Variants in FARS2 observed in about 807,000 individuals in gnomAD.
FARS2 encodes phenylalanine--tRNA ligase, mitochondrial.
FARS2 carries 40 observed loss-of-function variants against 46.4 expected under a neutral mutation model. The observed-to-expected ratio is 0.86, with a 90% CI of 0.67 to 1.12. FARS2 has a LOEUF of 1.12. FARS2 is among the 50% of genes most tolerant of loss of function. The pLI, the probability that FARS2 is intolerant of heterozygous loss-of-function variation, is 0.00. For synonymous variants in FARS2, 234 were observed against 214.9 expected, an observed-to-expected ratio of 1.09 and a Z score of -0.78; for missense variants, 513 against 567.9, an observed-to-expected ratio of 0.90 and a Z score of 0.98.
intron 4 of FARS2, among the ~76,000 whole-genome samples, chr6:5,467,801 T>C (rs543907331): frequency 1.3e-5 from 2 of 152,346 alleles, no homozygotes; most frequent in African/African-American, 4.8e-5. Flanking sequence ...AGATGACTTA[T>C]GCCTTACCAT....
chr6:5,381,191 TAAAAA>T (rs1581936476), intron 2 of FARS2, among the ~76,000 whole-genome samples: 1 of 151,696 alleles, frequency 6.6e-6, no homozygotes, highest in East Asian at 1.9e-4. Context: ...TAGTAGAGAC[TAAAAA>T]TCCTGTTAGC....
chr6:5,404,787 T>TC (rs1761465574), intron 3 of FARS2, 86 bp downstream of exon 3: 3 of 913,252 alleles, frequency 3.3e-6, no homozygotes, highest in African/African-American at 1.7e-5. Flanking sequence ...TTTTTTTTTT[T>TC]CATATTTTGA....
intron 6 of FARS2, among the ~76,000 whole-genome samples, chr6:5,740,625 G>C (rs546311161): frequency 6.6e-6 from 1 of 151,954 alleles, no homozygotes; most frequent in Non-Finnish European, 1.5e-5. Flanking sequence ...TATGTTTTCC[G>C]ATTGCTCACC....
chr6:5,770,454 GT>G (rs1243493047), intron 6 of FARS2, among the ~76,000 whole-genome samples: 9 of 152,160 alleles, frequency 5.9e-5, no homozygotes, highest in Admixed American at 2.0e-4. Context: ...AGGAATTTGT[GT>G]GACCAGATCC....
chr6:5,268,046 G>A (rs1302149433), intron 1 of FARS2, among the ~76,000 whole-genome samples: 2 of 152,006 alleles, frequency 1.3e-5, no homozygotes, highest in Non-Finnish European at 2.9e-5. Context: ...TTTTTGATGG[G>A]GTTGTTTGAT....
intron 6 of FARS2, among the ~76,000 whole-genome samples, chr6:5,645,051 G>A (rs1777011263): frequency 6.6e-6 from 1 of 152,196 alleles, no homozygotes; most frequent in African/African-American, 2.4e-5. Context: ...ATCTTTGTGT[G>A]AAAGGCCAGC....
At chr6:5,438,943 GTTGT>G (rs1763688034) in intron 4 of FARS2, among the ~76,000 whole-genome samples, 1 of 152,154 alleles carries the variant, frequency 6.6e-6, no homozygotes, top group Non-Finnish European at 1.5e-5. Flanking sequence ...TATTTTCCTG[GTTGT>G]TTGTAAACAA....
At chr6:5,413,185 G>A (rs1582032104) in intron 3 of FARS2, among the ~76,000 whole-genome samples, 2 of 152,196 alleles carry the variant, frequency 1.3e-5, no homozygotes, top group South Asian at 4.1e-4. Flanking sequence ...AGCAATAGTT[G>A]AGCTGAACTA....
At chr6:5,583,801 A>G (rs573074694) in intron 5 of FARS2, among the ~76,000 whole-genome samples, 1 of 152,300 alleles carries the variant, frequency 6.6e-6, no homozygotes, top group African/African-American at 2.4e-5. Context: ...TCGTTCCTGA[A>G]TGTGATAACC....
chr6:5,374,659 A>G (rs2127655728), intron 2 of FARS2, among the ~76,000 whole-genome samples: 1 of 152,212 alleles, frequency 6.6e-6, no homozygotes, highest in South Asian at 2.1e-4. Context: ...TTTCATCATT[A>G]TGAACATAGA....
At chr6:5,323,172 G>A (rs1423556729) in intron 1 of FARS2, among the ~76,000 whole-genome samples, 1 of 152,064 alleles carries the variant, frequency 6.6e-6, no homozygotes, top group Non-Finnish European at 1.5e-5. Flanking sequence ...AATAGATATT[G>A]GATATTATAG....
chr6:5,367,040 G>A (rs797147), intron 1 of FARS2, among the ~76,000 whole-genome samples: 33,548 of 152,152 alleles, frequency 0.22, 5,621 homozygotes, highest in African/African-American at 0.48. Context: ...CTTTGAAAAT[G>A]TCTCCCATGA....
At chr6:5,602,351 G>C (rs540248918) in intron 5 of FARS2, among the ~76,000 whole-genome samples, 1 of 152,074 alleles carries the variant, frequency 6.6e-6, no homozygotes, top group Non-Finnish European at 1.5e-5. Context: ...GTCATGGAAC[G>C]ATAAAAGGAA....
At chr6:5,284,949 C>CA (rs1160235872) in intron 1 of FARS2, among the ~76,000 whole-genome samples, 1 of 152,194 alleles carries the variant, frequency 6.6e-6, no homozygotes, top group African/African-American at 2.4e-5. Context: ...GTGTCTGAAA[C>CA]AAACTCAGTC....
intron 6 of FARS2, among the ~76,000 whole-genome samples, chr6:5,711,178 A>G (rs963160300): frequency 3.9e-5 from 6 of 152,258 alleles, no homozygotes; most frequent in Admixed American, 1.3e-4. Context: ...AAGAGTTCCA[A>G]CAGCCAGACT....
chr6:5,319,473 A>G (rs897885961), intron 1 of FARS2, among the ~76,000 whole-genome samples: 9 of 152,158 alleles, frequency 5.9e-5, no homozygotes, highest in African/African-American at 1.9e-4. Flanking sequence ...CAGACAGCCC[A>G]CTCCAAGGAA....
chr6:5,363,295 A>G (rs371575698), intron 1 of FARS2, among the ~76,000 whole-genome samples: 2 of 152,088 alleles, frequency 1.3e-5, no homozygotes, highest in African/African-American at 4.8e-5. Flanking sequence ...TATTTTGGAC[A>G]TTAGCTTTTT....
At chr6:5,717,962 T>C (rs189816384) in intron 6 of FARS2, among the ~76,000 whole-genome samples, 3,858 of 129,152 alleles carry the variant, frequency 0.03, 205 homozygotes, top group African/African-American at 0.12. Context: ...TCGCCCAGGC[T>C]GGAGTACAGT....
intron 6 of FARS2, among the ~76,000 whole-genome samples, chr6:5,685,417 T>C (rs1240992430): frequency 8.5e-5 from 13 of 152,196 alleles, no homozygotes; most frequent in Non-Finnish European, 1.5e-4. Context: ...TCCTAAATCG[T>C]GGCCACGGAG....
Sources: gnomAD v4.1 joint callset for allele counts (sites outside exome capture counted in the v4.1 genomes callset) on GRCh38, gnomAD v4.1.1 for gene constraint, MANE v1.5 for transcripts, NCBI Gene and HGNC (gene_info 2026-07-23, HGNC 2026-07-21) for gene names.